Variants in COMMD1 observed in about 807,000 individuals in gnomAD.
The protein encoded by COMMD1 is COMM domain-containing protein 1.
A neutral mutation model predicts 17.2 loss-of-function variants in COMMD1; 10 were observed. The observed-to-expected ratio is 0.58, with a 90% CI of 0.36 to 0.99. The LOEUF is 0.99. Ranked by LOEUF, COMMD1 falls within the 50% of genes least tolerant of loss-of-function variation. COMMD1 has a pLI of 0.01. For missense variants in COMMD1, 270 were observed against 231.8 expected, an observed-to-expected ratio of 1.17 and a Z score of -1.07; for synonymous variants, 97 against 91.6, an observed-to-expected ratio of 1.06 and a Z score of -0.34.
intron 2 of COMMD1, among the ~76,000 whole-genome samples, chr2:62,087,071 G>T (rs931314957): frequency 2.6e-5 from 4 of 152,106 alleles, no homozygotes; most frequent in Non-Finnish European, 5.9e-5. Context: ...TGACCTGCCT[G>T]CCTTCGCCTC....
chr2:61,905,565 G>T (rs920300028), upstream of COMMD1: 5 of 1,076,386 alleles, frequency 4.6e-6, no homozygotes, highest in African/African-American at 7.9e-5. Flanking sequence ...GGGAAGCCTT[G>T]CCTCCAGGTT....
chr2:62,049,905 A>G (rs1439890381), intron 2 of COMMD1, among the ~76,000 whole-genome samples: 1 of 148,966 alleles, frequency 6.7e-6, no homozygotes, highest in Non-Finnish European at 1.5e-5. Flanking sequence ...TATGATTAAT[A>G]TATTGTTATT....
At chr2:61,948,215 C>T (rs976603580) in intron 1 of COMMD1, among the ~76,000 whole-genome samples, 7 of 152,128 alleles carry the variant, frequency 4.6e-5, no homozygotes, top group Admixed American at 3.9e-4. Flanking sequence ...CTCAAGCAAC[C>T]CTCCCACCTT....
intron 1 of COMMD1, among the ~76,000 whole-genome samples, chr2:61,923,913 A>C (rs1670258720): frequency 6.6e-6 from 1 of 152,124 alleles, no homozygotes; most frequent in African/African-American, 2.4e-5. Flanking sequence ...AGTAGTTGAG[A>C]ATACAGATGT....
chr2:62,051,269 T>C (rs1255268424), intron 2 of COMMD1, among the ~76,000 whole-genome samples: 1 of 152,172 alleles, frequency 6.6e-6, no homozygotes, highest in Non-Finnish European at 1.5e-5. Flanking sequence ...CTATTATTAT[T>C]TTAAAACTCC....
rs577641777 is a variant in COMMD1 at position 62,041,277 on chromosome 2, C to G, written c.462+40295C>G. 2.1e-3 allele frequency among the ~76,000 whole-genome samples: 323 copies of G among 152,050 alleles called. 1 individual carries two copies. Among genetic ancestry groups the G allele is most frequent in the African/African-American group, 7.2e-3 (300 of 41,466 alleles). On this transcript the variant is annotated intron_variant, in intron 2 of 2. Coordinates refer to ENST00000311832, the MANE Select transcript of COMMD1 (RefSeq NM_152516.4). Reference sequence around the variant, plus strand: ...ACTCTCTAGATTAAAAATCATGAATCTCTTGATTTGTTAATAATGAAAACT... The same window carrying G: ...ACTCTCTAGATTAAAAATCATGAATGTCTTGATTTGTTAATAATGAAAACT...
intron 2 of COMMD1, among the ~76,000 whole-genome samples, chr2:62,097,551 T>C (rs1672046222): frequency 1.3e-5 from 2 of 152,200 alleles, no homozygotes; most frequent in African/African-American, 4.8e-5. Context: ...TGAGAATCAT[T>C]TCTCCCTTCT....
intron 1 of COMMD1, among the ~76,000 whole-genome samples, chr2:61,924,732 G>T (rs1207320903): frequency 1.3e-5 from 2 of 152,198 alleles, no homozygotes; most frequent in Non-Finnish European, 2.9e-5. Flanking sequence ...AGTTGGTATT[G>T]GGGCCATGCA....
Position 61,911,722 on chromosome 2 carries a change from G to A in COMMD1, c.180+5864G>A, listed in dbSNP as rs1339252909. Among the ~76,000 whole-genome samples the A allele has an allele frequency of 5.3e-5, 8 of 152,144 alleles. No individual in the cohort carries two copies. The East Asian group carries it at 1.4e-3, about 26-fold the overall frequency. Reference sequence around the variant, plus strand: ...CCTCTACAGTCTGTCCTCTGCATAGGTACCAGTGATCCTTTAAAAAAGTGC... The same window carrying A: ...CCTCTACAGTCTGTCCTCTGCATAGATACCAGTGATCCTTTAAAAAAGTGC... On this transcript the variant is annotated intron_variant, in intron 1 of 2. Coordinates refer to ENST00000311832, the MANE Select transcript of COMMD1 (RefSeq NM_152516.4).
chr2:61,891,193 G>A (rs374841497), intron 1 of COMMD1, among the ~76,000 whole-genome samples: 4 of 152,162 alleles, frequency 2.6e-5, no homozygotes, highest in African/African-American at 9.7e-5. Context: ...GTAAGGAGTC[G>A]ATCTGTCAGC....
chr2:62,062,411 A>G (rs915223926), intron 2 of COMMD1, among the ~76,000 whole-genome samples: 12 of 151,918 alleles, frequency 7.9e-5, no homozygotes, highest in Admixed American at 1.3e-4. Context: ...TATTTTTAAT[A>G]GAGACGGGGT....
At chr2:62,135,284 G>A (rs1321503937) in intron 2 of COMMD1, among the ~76,000 whole-genome samples, 1 of 152,036 alleles carries the variant, frequency 6.6e-6, no homozygotes, top group East Asian at 1.9e-4. Context: ...CTTCTCATAT[G>A]CCTCCTAGTG....
At chr2:61,910,831 C>G (rs527619810) in intron 1 of COMMD1, among the ~76,000 whole-genome samples, 23 of 152,286 alleles carry the variant, frequency 1.5e-4, no homozygotes, top group African/African-American at 5.5e-4. Context: ...CGCCTGTCAT[C>G]CCAGCACTTT....
rs564293670 is a variant in COMMD1, at chr2:62,094,418, C to T, written c.463-41413C>T. ...GCCCTCAGTCAAGGAGGGTGCCCCC[C>T]TTGCAACTGGATCTAACCGTTGACT... On this transcript the variant is annotated intron_variant, in intron 2 of 2. Coordinates refer to ENST00000311832, the MANE Select transcript of COMMD1 (RefSeq NM_152516.4). Among the ~76,000 whole-genome samples the T allele has an allele frequency of 7.4e-4, 112 of 152,278 alleles. 2 individuals carry two copies. The South Asian group carries it at 0.023, about 31-fold the overall frequency.
intron 1 of COMMD1, among the ~76,000 whole-genome samples, chr2:61,998,594 G>C (rs1668836156): frequency 6.6e-6 from 1 of 152,146 alleles, no homozygotes; most frequent in African/African-American, 2.4e-5. Context: ...GTGTGCACTG[G>C]AGTAGCACTT....
intron 2 of COMMD1, among the ~76,000 whole-genome samples, chr2:62,008,104 G>A (rs1256042151): frequency 6.6e-6 from 1 of 152,136 alleles, no homozygotes; most frequent in Non-Finnish European, 1.5e-5. Context: ...GTGCCCAGGA[G>A]GTCGAGGCTG....
chr2:61,915,422 G>GT (rs1383733811), intron 1 of COMMD1, among the ~76,000 whole-genome samples: 4 of 151,660 alleles, frequency 2.6e-5, no homozygotes, highest in Admixed American at 1.3e-4. Flanking sequence ...TTTTTCATGT[G>GT]TTTTTTTCCC....
At chr2:62,048,641 C>T (rs568691056) in intron 2 of COMMD1, among the ~76,000 whole-genome samples, 3 of 151,284 alleles carry the variant, frequency 2.0e-5, no homozygotes, top group East Asian at 1.9e-4. Context: ...AAAGTTTATA[C>T]GTGTGTGTTT....
intron 2 of COMMD1, among the ~76,000 whole-genome samples, chr2:62,131,873 C>T (rs1258451158): frequency 1.3e-5 from 2 of 149,536 alleles, no homozygotes; most frequent in Non-Finnish European, 3.0e-5. Context: ...CACACACACA[C>T]ACACAAACAC....
Sources: gnomAD v4.1 joint callset for allele counts (sites outside exome capture counted in the v4.1 genomes callset) on GRCh38, gnomAD v4.1.1 for gene constraint, MANE v1.5 for transcripts, NCBI Gene and HGNC (gene_info 2026-07-23, HGNC 2026-07-21) for gene names.